REV3L: variants seen among roughly 807,000 people sequenced by gnomAD.
The protein encoded by REV3L is DNA polymerase zeta catalytic subunit.
Under a neutral mutation model 299.4 loss-of-function variants are expected in REV3L, and 69 were observed. The ratio of observed to expected loss-of-function variants is 0.23; its 90% CI spans 0.19 to 0.28. The LOEUF (loss-of-function observed/expected upper bound fraction) is 0.28. Ranked by LOEUF, REV3L falls within the 10% of genes least tolerant of loss-of-function variation. The pLI is 1.00. For missense variants in REV3L, 3,128 were observed against 3,693.8 expected (o/e 0.85, Z 3.97); for synonymous variants, 1,238 against 1,271.4 (o/e 0.97, Z 0.56).
Position 111,381,309 on chromosome 6 carries a change from T to C in REV3L, c.1216+16A>G. 3 of 1,612,226 alleles carry C rather than the reference T, an allele frequency of 1.9e-6. No individual in the cohort carries two copies. Among genetic ancestry groups the C allele is most frequent in the Non-Finnish European group, 2.5e-6 (3 of 1,179,498 alleles). ...GAATTACAATACTGAATATTTATGG[T>C]AGCACTGTTACTTACTGAAAACAGG... On this transcript the variant is annotated intron_variant, in intron 10 of 31. Coordinates refer to ENST00000368802, the MANE Select transcript of REV3L (RefSeq NM_001372078.1).
intron 14 of REV3L, 141 bp downstream of exon 14, chr6:111,366,974 G>T: frequency 1.7e-6 from 1 of 598,152 alleles, no homozygotes; most frequent in Non-Finnish European, 2.7e-6. Flanking sequence ...GCCATGTGAC[G>T]ACTTTCTAAG....
intron 4 of REV3L, among the ~76,000 whole-genome samples, chr6:111,398,373 C>T (rs1277923438): frequency 6.6e-6 from 1 of 151,674 alleles, no homozygotes; most frequent in Non-Finnish European, 1.5e-5. Flanking sequence ...TTCTGTGGTG[C>T]TCAAAACATT....
intron 1 of REV3L, among the ~76,000 whole-genome samples, chr6:111,444,764 A>G (rs1788647164): frequency 1.3e-5 from 2 of 152,198 alleles, no homozygotes; most frequent in South Asian, 4.1e-4. Flanking sequence ...ACTCCAGTAC[A>G]ATAAAATTAG....
At chr6:111,462,801 A>G (rs984190638) in intron 1 of REV3L, among the ~76,000 whole-genome samples, 2 of 152,192 alleles carry the variant, frequency 1.3e-5, no homozygotes, top group African/African-American at 4.8e-5. Context: ...ACGAATAAAT[A>G]GTAAATATAG....
chr6:111,431,233 G>A (rs1562301574), intron 1 of REV3L: 1 of 1,548,792 alleles, frequency 6.5e-7, no homozygotes, highest in Non-Finnish European at 8.9e-7. Context: ...AACAAAAGGA[G>A]GGCATTCCAG....
At chr6:111,310,903 T>G in intron 29 of REV3L, 166 bp downstream of exon 29, 1 of 465,780 alleles carries the variant, frequency 2.1e-6, no homozygotes. Context: ...CCTCTTCACA[T>G]CTTACGAAGT....
At chr6:111,411,666 T>C in intron 2 of REV3L, 112 bp from the exon 3 acceptor site, 1 of 697,460 alleles carries the variant, frequency 1.4e-6, no homozygotes, top group Admixed American at 3.0e-5. Context: ...ACGTTTAATA[T>C]TATCCACCCC....
At chr6:111,477,047 A>T (rs1366674763) in intron 1 of REV3L, among the ~76,000 whole-genome samples, 6 of 152,210 alleles carry the variant, frequency 3.9e-5, no homozygotes, top group Non-Finnish European at 5.9e-5. Context: ...CACACTTTTA[A>T]TAAGTGACTA....
intron 21 of REV3L, among the ~76,000 whole-genome samples, chr6:111,339,319 T>C (rs2114876832): frequency 6.6e-6 from 1 of 152,196 alleles, no homozygotes; most frequent in African/African-American, 2.4e-5. Flanking sequence ...GTAAGACTAA[T>C]CCATCCTAGT....
chr6:111,435,144 TGCAGTGAACTGTATGTAATTGCACCAC>T (rs1193948161), intron 1 of REV3L, among the ~76,000 whole-genome samples: 15 of 152,310 alleles, frequency 9.8e-5, no homozygotes, highest in Non-Finnish European at 2.9e-5. Flanking sequence ...AAGTCAAGGC[TGCAGTGAACTGTATGTAATTGCACCAC>T]TGTACTCCAG....
In REV3L at chr6:111,313,646, G is replaced by A. The variant is rs17511441; in HGVS notation, c.8467-157C>T. The A allele has an allele frequency of 2.8e-3, 1,736 of 622,370 alleles. 6 individuals are homozygous for A. The highest frequency in any genetic ancestry group is 6.7e-3 in the Middle Eastern group (15 of 2,224). 38.6% of individuals were successfully genotyped at this position (622,370 alleles called of 1,614,324 possible). Reference sequence around the variant, plus strand: ...AACAAATTCATGATATAACACGTGGGAGCAAAATGAATTGTCTTTAAGTTG... The same window carrying A: ...AACAAATTCATGATATAACACGTGGAAGCAAAATGAATTGTCTTTAAGTTG... On this transcript the variant is annotated intron_variant, in intron 27 of 31. Coordinates refer to ENST00000368802, the MANE Select transcript of REV3L (RefSeq NM_001372078.1).
At chr6:111,416,560 G>T in intron 1 of REV3L, 88 bp from the exon 2 acceptor site, 2 of 1,063,028 alleles carry the variant, frequency 1.9e-6, no homozygotes, top group Non-Finnish European at 2.7e-6. Context: ...ATGTTCTAAT[G>T]GCAACACAGC....
chr6:111,432,101 A>G (rs1787008139), intron 1 of REV3L, among the ~76,000 whole-genome samples: 1 of 152,234 alleles, frequency 6.6e-6, no homozygotes, highest in Admixed American at 6.5e-5. Flanking sequence ...ATACTACCAG[A>G]GAAAATCTCT....
chr6:111,427,756 T>C (rs1786356548), intron 1 of REV3L, among the ~76,000 whole-genome samples: 1 of 152,104 alleles, frequency 6.6e-6, no homozygotes, highest in African/African-American at 2.4e-5. Flanking sequence ...CCTATCCCTG[T>C]CCTAATAACT....
intron 1 of REV3L, among the ~76,000 whole-genome samples, chr6:111,480,564 G>A (rs72947135): frequency 0.031 from 4,723 of 152,146 alleles, 95 homozygotes; most frequent in Middle Eastern, 0.11. Context: ...TGCTGGCTTG[G>A]TTTATGAAAA....
intron 1 of REV3L, among the ~76,000 whole-genome samples, chr6:111,445,015 C>G (rs1475263727): frequency 6.6e-6 from 1 of 152,202 alleles, no homozygotes; most frequent in African/African-American, 2.4e-5. Context: ...AGCAACCGAT[C>G]ACCTCATCGT....
At position 111,375,546 on chromosome 6, in the gene REV3L, C is replaced by T; in HGVS notation, c.2809G>A (p.Val937Ile). 6.2e-7 allele frequency: 1 copy of T among 1,613,506 alleles called. No individual in the cohort carries two copies. Among genetic ancestry groups the T allele is most frequent in the Non-Finnish European group, 8.5e-7 (1 of 1,179,808 alleles). ...AGACTAATTTTTGAGTTGTGAGTTA[C>T]AAAACTTGACTCACTGTCTTCAGTC... The part of the protein sequence containing the change: ...YETEDSESSF[V>I]THNSKISLPH... The change falls in exon 13 of 32, where the codon GTA becomes ATA. Residue 937 changes from valine to isoleucine, a missense_variant. Physicochemically the swap from Val to Ile is conservative, Grantham distance 29. Coordinates refer to ENST00000368802, the MANE Select transcript of REV3L (RefSeq NM_001372078.1).
intron 1 of REV3L, among the ~76,000 whole-genome samples, chr6:111,436,469 T>C (rs1328358502): frequency 6.6e-6 from 1 of 152,156 alleles, no homozygotes; most frequent in South Asian, 2.1e-4. Context: ...TGAAATCCTG[T>C]CATTTGCAGC....
intron 31 of REV3L, among the ~76,000 whole-genome samples, chr6:111,306,271 G>A (rs1772281058): frequency 6.6e-6 from 1 of 152,176 alleles, no homozygotes; most frequent in South Asian, 2.1e-4. Flanking sequence ...AGAGGAAAGT[G>A]TTCCTGGCAG....
Sources: gnomAD v4.1 joint callset for allele counts (sites outside exome capture counted in the v4.1 genomes callset) on GRCh38, gnomAD v4.1.1 for gene constraint, MANE v1.5 for transcripts, NCBI Gene and HGNC (gene_info 2026-07-23, HGNC 2026-07-21) for gene names.